The following ZNF578 variants were observed in gnomAD, a reference collection of about 807,000 sequenced individuals.
ZNF578 encodes the protein zinc finger protein 578, also known as Putative chemokine-related protein B42.
Under a neutral mutation model 8.3 loss-of-function variants are expected in ZNF578, and 8 were observed. That is an observed-to-expected ratio of 0.96 (90% CI 0.56 to 1.74). The LOEUF is 1.74. ZNF578 is among the 40% of genes most tolerant of loss of function. The pLI is 0.00. For missense variants in ZNF578, 726 were observed against 707.5 expected (o/e 1.03, Z -0.30); for synonymous variants, 206 against 232.2 (o/e 0.89, Z 1.03).
chr19:52,486,140 A>G (rs769238768), intron 2 of ZNF578, among the ~76,000 whole-genome samples: 1 of 152,240 alleles, frequency 6.6e-6, no homozygotes, highest in Non-Finnish European at 1.5e-5. Flanking sequence ...ACATGCGGGC[A>G]GCAATACTGC....
At chr19:52,481,189 A>T (rs1043162124) in intron 2 of ZNF578, among the ~76,000 whole-genome samples, 2 of 152,014 alleles carry the variant, frequency 1.3e-5, no homozygotes, top group Admixed American at 6.6e-5. Context: ...CACTGACCTT[A>T]TATCGGCTGC....
chr19:52,497,652 T>G (rs777646115), intron 3 of ZNF578, among the ~76,000 whole-genome samples: 15 of 152,332 alleles, frequency 9.8e-5, no homozygotes, highest in African/African-American at 2.9e-4. Context: ...TGAGGTCTGT[T>G]TGCTTTCTAG....
intron 2 of ZNF578, among the ~76,000 whole-genome samples, chr19:52,476,135 A>G (rs2562026): frequency 0.016 from 2,396 of 151,996 alleles, 54 homozygotes; most frequent in African/African-American, 0.049. Context: ...CTTAAGATCT[A>G]TTACTACAAG....
At chr19:52,477,995 A>G (rs1055181909) in intron 2 of ZNF578, among the ~76,000 whole-genome samples, 1 of 152,172 alleles carries the variant, frequency 6.6e-6, no homozygotes, top group Non-Finnish European at 1.5e-5. Context: ...CACTGCTGAT[A>G]AGCAGCGTCT....
Position 52,461,368 on chromosome 19 carries a change from AT to A in ZNF578, c.-122+4414del, listed in dbSNP as rs372265934. 7.0e-3 allele frequency among the ~76,000 whole-genome samples: 1,063 copies of A among 152,196 alleles called. 14 individuals are homozygous for A. The highest frequency in any genetic ancestry group is 0.025 in the African/African-American group (1,022 of 41,522). On this transcript the variant is annotated intron_variant, in intron 2 of 5. Coordinates refer to ENST00000421239, the MANE Select transcript of ZNF578 (RefSeq NM_001099694.2). ...TCTGTCTAAGATCATTGATTTGCCA[AT>A]TTTCTTTGGTCTGTTTGAGTCTGAG...
At position 52,459,769 on chromosome 19, in the gene ZNF578, A is replaced by ATATATT. The variant is rs1555751349; in HGVS notation, c.-122+2812_-122+2813insATATTT. Among the ~76,000 whole-genome samples the ATATATT allele has an allele frequency of 1.8e-3, 31 of 17,614 alleles. 2 individuals are homozygous for ATATATT. Among genetic ancestry groups the ATATATT allele is most frequent in the Non-Finnish European group, 2.2e-3 (22 of 10,082 alleles). The allele number at this position is 17,614 out of a possible 152,430, so 11.6% of individuals were successfully genotyped here. Reference sequence around the variant, plus strand: ...TGTGTGTGTATATATATATATATATATTTTTTTTTTTTTTTTTTTTTTTTG... The same window carrying ATATATT: ...TGTGTGTGTATATATATATATATATATATATTTTTTTTTTTTTTTTTTTTTTTTTTG... On this transcript the variant is annotated intron_variant, in intron 2 of 5. Coordinates refer to ENST00000421239, the MANE Select transcript of ZNF578 (RefSeq NM_001099694.2).
intron 3 of ZNF578, among the ~76,000 whole-genome samples, chr19:52,495,968 T>G (rs1236131198): frequency 6.6e-6 from 1 of 152,174 alleles, no homozygotes; most frequent in Non-Finnish European, 1.5e-5. Context: ...TTTCTCTTTT[T>G]GTAATTGGTT....
At chr19:52,499,397 T>G (rs1055417274) in intron 3 of ZNF578, among the ~76,000 whole-genome samples, 2 of 152,130 alleles carry the variant, frequency 1.3e-5, no homozygotes, top group African/African-American at 4.8e-5. Context: ...AACCCTGAGC[T>G]CTACAATCCT....
intron 3 of ZNF578, among the ~76,000 whole-genome samples, chr19:52,494,045 A>G (rs1418627118): frequency 1.3e-5 from 2 of 151,920 alleles, no homozygotes; most frequent in South Asian, 2.1e-4. Context: ...GGTGGAAGAG[A>G]AGTAATAGAG....
chr19:52,475,125 C>A (rs896009579), intron 2 of ZNF578: 1 of 214,922 alleles, frequency 4.7e-6, no homozygotes, highest in African/African-American at 2.3e-5. Context: ...AAGACTTTAC[C>A]ACACTCATTA....
chr19:52,469,172 T>TTTC (rs999934898), intron 2 of ZNF578, among the ~76,000 whole-genome samples: 1 of 147,700 alleles, frequency 6.8e-6, no homozygotes, highest in South Asian at 2.1e-4. Context: ...TTTTTGTTTT[T>TTTC]TTTTTTTTGA....
chr19:52,484,821 C>G (rs1373197887), intron 2 of ZNF578, among the ~76,000 whole-genome samples: 3 of 151,336 alleles, frequency 2.0e-5, no homozygotes, highest in Middle Eastern at 3.2e-3. Flanking sequence ...TACCCAAATC[C>G]TATAAAACGG....
At chr19:52,507,129 T>C (rs942558217) in intron 5 of ZNF578, among the ~76,000 whole-genome samples, 2 of 152,210 alleles carry the variant, frequency 1.3e-5, no homozygotes, top group Non-Finnish European at 2.9e-5. Flanking sequence ...GGCTCACGCC[T>C]ATAATCCCAA....
intron 3 of ZNF578, among the ~76,000 whole-genome samples, chr19:52,499,179 C>T (rs2059397812): frequency 6.6e-6 from 1 of 152,200 alleles, no homozygotes; most frequent in Admixed American, 6.6e-5. Flanking sequence ...AAAGCTCAGT[C>T]AGTGACACTG....
chr19:52,455,252 T>G (rs938894238), intron 1 of ZNF578: 1 of 149,774 alleles, frequency 6.7e-6, no homozygotes, highest in Admixed American at 6.7e-5. Context: ...CAGGCTGGAT[T>G]GCAATGGTGT....
At position 52,511,784 on chromosome 19, in the gene ZNF578, C is replaced by G. The variant is rs1423205723; in HGVS notation, c.1403C>G (p.Ser468Ter). Reference protein sequence around the residue: ...EECDRVFSQKSNLERHKIIHT... With the variant: ...EECDRVFSQK ...TGTGACAGAGTTTTCAGTCAGAAAT[C>G]AAACCTTGAGAGACACAAGATAATT... is the stretch of plus-strand genomic sequence containing the variant. The change falls in exon 6 of 6, where the codon TCA becomes TGA. Residue 468 changes from serine (S) to a stop codon, truncating the protein, a stop_gained. Coordinates refer to ENST00000421239, the MANE Select transcript of ZNF578 (RefSeq NM_001099694.2). LOFTEE classifies it low-confidence loss of function (END_TRUNC). The G allele has an allele frequency of 2.5e-6, 4 of 1,613,486 alleles. No homozygotes were observed. In the East Asian group the frequency reaches 8.9e-5, roughly 36 times the overall value.
intron 1 of ZNF578, chr19:52,455,722 C>A (rs1314268482): frequency 1.3e-5 from 2 of 152,140 alleles, no homozygotes; most frequent in Non-Finnish European, 2.9e-5. Flanking sequence ...AGGGTGACCC[C>A]ATACTTCTGG....
rs749446638 is a variant in ZNF578, at chr19:52,512,063, A to G, written c.1682A>G (p.His561Arg). 3.7e-6 allele frequency: 6 copies of G among 1,614,000 alleles called. No individual in the cohort carries two copies. Among genetic ancestry groups the G allele is most frequent in the Non-Finnish European group, 4.2e-6 (5 of 1,179,988 alleles). Residue 561 changes from histidine to arginine, a missense_variant, in exon 6 of 6, where the codon CAT becomes CGT. His to Arg is a conservative substitution (Grantham distance 29). Coordinates refer to ENST00000421239, the MANE Select transcript of ZNF578 (RefSeq NM_001099694.2). ...HSYLANHTRI[H>R]SGEKPYKCNE... is the part of the protein sequence containing the mutation. ...TATCTGGCAAACCATACTAGAATTC[A>G]TAGCGGAGAGAAACCTTACAAGTGT...
At chr19:52,467,675 T>C (rs2059279713) in intron 2 of ZNF578, among the ~76,000 whole-genome samples, 1 of 151,640 alleles carries the variant, frequency 6.6e-6, no homozygotes, top group Non-Finnish European at 1.5e-5. Context: ...ACGAAAGAAA[T>C]CAAAGGCACT....
Sources: allele counts gnomAD v4.1 joint callset (sites outside exome capture counted in the v4.1 genomes callset), GRCh38; gene constraint gnomAD v4.1.1; transcripts MANE v1.5; gene names NCBI Gene and HGNC (gene_info 2026-07-23, HGNC 2026-07-21).